Variants in PDLIM3 observed in about 807,000 individuals in gnomAD.
PDLIM3 encodes the protein PDZ and LIM domain protein 3.
In PDLIM3, 36 loss-of-function variants were observed where a neutral mutation model predicts 37.3. That is an observed-to-expected ratio of 0.97 (90% CI 0.74 to 1.28). The LOEUF (loss-of-function observed/expected upper bound fraction) is 1.28. Among genes scored for constraint, PDLIM3 ranks in the 50% most tolerant of loss-of-function variants. The probability of loss-of-function intolerance (pLI) is 0.00; values close to 1 mark genes in which losing one functional copy is unlikely to be tolerated. For missense variants in PDLIM3, 454 were observed against 485.0 expected (o/e 0.94, Z 0.60); for synonymous variants, 174 against 182.4 (o/e 0.95, Z 0.37).
At chr4:185,529,072 A>C (rs555396106) in intron 1 of PDLIM3, among the ~76,000 whole-genome samples, 5 of 152,318 alleles carry the variant, frequency 3.3e-5, no homozygotes, top group Admixed American at 1.3e-4. Flanking sequence ...AGGGTCTCAA[A>C]TATCAAAAGT....
chr4:185,519,052 T>G (rs542341908), intron 3 of PDLIM3, among the ~76,000 whole-genome samples: 7 of 152,278 alleles, frequency 4.6e-5, no homozygotes, highest in Admixed American at 2.0e-4. Flanking sequence ...ACAAAGAGCT[T>G]CATTAACATA....
At chr4:185,523,855 T>C (rs1432353109) in intron 2 of PDLIM3, among the ~76,000 whole-genome samples, 3 of 151,898 alleles carry the variant, frequency 2.0e-5, no homozygotes. Context: ...GGACCTCAAG[T>C]GATCCGCCCA....
intron 5 of PDLIM3, 189 bp from the exon 6 acceptor site, chr4:185,506,841 G>A (rs1019429683): frequency 5.1e-6 from 3 of 583,390 alleles, no homozygotes; most frequent in Non-Finnish European, 9.1e-6. Context: ...CCTTGGAAAT[G>A]TCATTGAACA....
chr4:185,513,180 G>C (rs947520745), intron 4 of PDLIM3: 1 of 985,212 alleles, frequency 1.0e-6, no homozygotes, highest in African/African-American at 1.8e-5. Context: ...TCTAGGGGGG[G>C]GAAGATGTGT....
rs2095711553 is a variant in PDLIM3, at chr4:185,514,432, TACC to T, written c.331-98_331-96del. On this transcript the variant is annotated intron_variant, in intron 3 of 7. Transcript: ENST00000284767. The surrounding 1 kb of genome is among the most constrained non-coding windows in gnomAD (Gnocchi z 4.0). ...CGATAGTTGTACAGGGAGGATCATT[TACC>T]ACCAACTACTGTCATAACTAAGAAA... 37 of 1,610,060 alleles carry T rather than the reference TACC, an allele frequency of 2.3e-5. 1 individual carries two copies. In the South Asian group the frequency reaches 3.8e-4, roughly 16 times the overall value.
In PDLIM3 at chr4:185,514,998, G is replaced by T; in HGVS notation, c.331-661C>A. On this transcript the variant is annotated intron_variant, in intron 3 of 7. Coordinates refer to ENST00000284767, the MANE Select transcript of PDLIM3 (RefSeq NM_014476.6). The surrounding 1 kb of genome is among the most constrained non-coding windows in gnomAD (Gnocchi z 4.0). ...TAATAAAGGCATCTTTACCCACGACGAGATTGACGGAAAGATTAGAGGAGG... is the reference window on the plus strand; with the variant it reads ...TAATAAAGGCATCTTTACCCACGACTAGATTGACGGAAAGATTAGAGGAGG... The T allele has an allele frequency of 1.2e-6, 1 of 828,112 alleles. No individual in the cohort carries two copies. Among genetic ancestry groups the T allele is most frequent in the Non-Finnish European group, 1.8e-6 (1 of 552,014 alleles). The allele number at this position is 828,112 out of a possible 1,614,324, so 51.3% of individuals were successfully genotyped here. A position where few individuals can be genotyped will look rare whatever the true frequency, so the allele number is the denominator to read the frequency against.
intron 4 of PDLIM3, chr4:185,513,309 G>C: frequency 1.0e-6 from 1 of 985,246 alleles, no homozygotes; most frequent in Non-Finnish European, 1.2e-6. Context: ...GGCTCTGCCT[G>C]TAGCTTCCTG....
chr4:185,514,722 T>C lies in PDLIM3; in HGVS notation c.331-385A>G. The C allele has an allele frequency of 1.3e-6, 2 of 1,552,122 alleles. No individual in the cohort carries two copies. Among genetic ancestry groups the C allele is most frequent in the Non-Finnish European group, 8.7e-7 (1 of 1,147,064 alleles). On this transcript the variant is annotated intron_variant, in intron 3 of 7. Coordinates refer to ENST00000284767, the MANE Select transcript of PDLIM3 (RefSeq NM_014476.6). The surrounding 1 kb of genome is among the most constrained non-coding windows in gnomAD (Gnocchi z 4.0). Reference sequence around the variant, plus strand: ...ACTTACTTTTGAGGTGAGCTAGGAATGAGACCCCGCAGCTGTCCGTGAAGC... The same window carrying C: ...ACTTACTTTTGAGGTGAGCTAGGAACGAGACCCCGCAGCTGTCCGTGAAGC...
At chr4:185,502,601 C>T (rs1435842300) in intron 7 of PDLIM3, 118 bp from the exon 8 acceptor site, 4 of 919,194 alleles carry the variant, frequency 4.4e-6, no homozygotes, top group East Asian at 2.5e-5. Flanking sequence ...AAACAATGGC[C>T]TCCAGCTGTG....
rs115369058 is a variant in PDLIM3 at position 185,535,151 on chromosome 4, C to A, written c.93+191G>T. Among the ~76,000 whole-genome samples the A allele has an allele frequency of 5.0e-3, 769 of 152,282 alleles. 5 individuals carry two copies. Among genetic ancestry groups the A allele is most frequent in the African/African-American group, 0.017 (720 of 41,560 alleles). On this transcript the variant is annotated intron_variant, in intron 1 of 7. Coordinates refer to ENST00000284767, the MANE Select transcript of PDLIM3 (RefSeq NM_014476.6). ...AGCGGACTTTGTCAAATCTCTGAGC[C>A]GCTCCGCAGCCACTTGACGGAGTTG...
intron 1 of PDLIM3, among the ~76,000 whole-genome samples, chr4:185,531,270 C>T (rs909501135): frequency 1.5e-5 from 2 of 136,250 alleles, no homozygotes; most frequent in African/African-American, 2.8e-5. Context: ...CTGTGAAATG[C>T]TTAGGCCAGT....
At chr4:185,503,717 G>A (rs1466155054) in intron 7 of PDLIM3, among the ~76,000 whole-genome samples, 1 of 152,218 alleles carries the variant, frequency 6.6e-6, no homozygotes, top group Non-Finnish European at 1.5e-5. Flanking sequence ...GGAGGCCGAG[G>A]CGGGTGGATC....
intron 3 of PDLIM3, among the ~76,000 whole-genome samples, chr4:185,520,136 G>T (rs531681675): frequency 6.6e-6 from 1 of 152,166 alleles, no homozygotes; most frequent in Non-Finnish European, 1.5e-5. Context: ...TCTGGTTTAC[G>T]CTAAAGGATT....
chr4:185,527,006 C>T (rs2095735427), intron 1 of PDLIM3, among the ~76,000 whole-genome samples: 1 of 152,172 alleles, frequency 6.6e-6, no homozygotes, highest in Non-Finnish European at 1.5e-5. Context: ...TATTGTCTGT[C>T]TTCCCAACTA....
Position 185,519,294 on chromosome 4 carries a change from T to C in PDLIM3, c.330+4068A>G, listed in dbSNP as rs1253331989. 3.9e-5 allele frequency among the ~76,000 whole-genome samples: 6 copies of C among 152,238 alleles called. No individual in the cohort carries two copies. In the East Asian group the frequency reaches 9.6e-4, roughly 24 times the overall value. On this transcript the variant is annotated intron_variant, in intron 3 of 7. Coordinates refer to ENST00000284767, the MANE Select transcript of PDLIM3 (RefSeq NM_014476.6). ...GATAGCATGGAAAAATTATTATTAT[T>C]ATTATTTGTGAGACGGAGTCTTACT...
At chr4:185,525,211 G>A (rs200836809) in intron 1 of PDLIM3, 40 bp from the exon 2 acceptor site, 392 of 1,604,784 alleles carry the variant, frequency 2.4e-4, no homozygotes, top group Middle Eastern at 1.6e-3. Context: ...CCAACATCCC[G>A]CAGTATCTTG....
intron 1 of PDLIM3, among the ~76,000 whole-genome samples, chr4:185,531,941 A>AAAG (rs2095745194): frequency 6.7e-6 from 1 of 150,320 alleles, no homozygotes; most frequent in African/African-American, 2.4e-5. Context: ...AAAAAAAAAA[A>AAAG]AAAAAAATTA....
intron 6 of PDLIM3, among the ~76,000 whole-genome samples, chr4:185,505,516 G>C (rs1262051048): frequency 6.6e-6 from 1 of 152,116 alleles, no homozygotes; most frequent in Non-Finnish European, 1.5e-5. Context: ...ATCTACTTGG[G>C]AGGCTGAGGC....
rs1580249171 is a variant in PDLIM3, at chr4:185,514,692, C to T, written c.331-355G>A. 6 of 1,550,686 alleles carry T rather than the reference C, an allele frequency of 3.9e-6. No individual in the cohort carries two copies. In the East Asian group the frequency reaches 9.8e-5, roughly 25 times the overall value. ...AGGTACACTGTGGCCAGAACAGAGC[C>T]GGATACTTACTTTTGAGGTGAGCTA... On this transcript the variant is annotated intron_variant, in intron 3 of 7. Coordinates refer to ENST00000284767, the MANE Select transcript of PDLIM3 (RefSeq NM_014476.6). This position sits in a 1 kb window ranked among gnomAD's most constrained non-coding sequence, Gnocchi z 4.0.
Sources: allele counts gnomAD v4.1 joint callset (sites outside exome capture counted in the v4.1 genomes callset), GRCh38; gene constraint gnomAD v4.1.1; non-coding constraint Gnocchi (gnomAD v3.1); transcripts MANE v1.5; gene names NCBI Gene and HGNC (gene_info 2026-07-23, HGNC 2026-07-21).